Variants in NELFA observed in about 807,000 individuals in gnomAD.
NELFA encodes negative elongation factor A.
A neutral mutation model predicts 51.8 loss-of-function variants in NELFA; 35 were observed. That is an observed-to-expected ratio of 0.68 (90% CI 0.52 to 0.90). The LOEUF is 0.90. Ranked by LOEUF, NELFA falls within the 40% of genes least tolerant of loss-of-function variation. NELFA has a pLI of 0.00. For synonymous variants in NELFA, 417 were observed against 338.4 expected, an observed-to-expected ratio of 1.23 and a Z score of -2.55; for missense variants, 658 against 746.4, an observed-to-expected ratio of 0.88 and a Z score of 1.38.
At chr4:1,984,207 T>G in intron 8 of NELFA, 94 bp from the exon 9 acceptor site, 1 of 1,368,762 alleles carries the variant, frequency 7.3e-7, no homozygotes, top group Non-Finnish European at 9.6e-7. Flanking sequence ...GCTCCCCTTC[T>G]CTGTCCTGCT....
At chr4:2,008,523 G>A (rs1326212172) in intron 1 of NELFA, among the ~76,000 whole-genome samples, 1 of 148,278 alleles carries the variant, frequency 6.7e-6, no homozygotes, top group East Asian at 2.0e-4. Context: ...AACCGAGGTG[G>A]GAGATGAGGA....
intron 9 of NELFA, 41 bp from the exon 10 acceptor site, chr4:1,983,736 G>C (rs781530491): frequency 1.9e-6 from 3 of 1,609,314 alleles, no homozygotes; most frequent in Admixed American, 1.7e-5. Context: ...GGCCCCGCCA[G>C]GACCACCTCC....
At chr4:2,007,050 G>T in intron 1 of NELFA, 1 of 276,860 alleles carries the variant, frequency 3.6e-6, no homozygotes, top group Non-Finnish European at 7.8e-6. Flanking sequence ...TTGAGGTCAG[G>T]AGTTCAAGAC....
At chr4:1,987,049 C>T (rs573930659) in intron 4 of NELFA, among the ~76,000 whole-genome samples, 2 of 152,134 alleles carry the variant, frequency 1.3e-5, no homozygotes, top group Admixed American at 6.5e-5. Flanking sequence ...AAGGTGGAAC[C>T]TCGGCTGCGG....
At chr4:1,986,461 C>CCT (rs3034718) in intron 4 of NELFA, 59 bp from the exon 5 acceptor site, 360,540 of 1,608,472 alleles carry the variant, frequency 0.22, 42,970 homozygotes, top group African/African-American at 0.43. Flanking sequence ...TCCCCCACCC[C>CCT]GAGCTCAGAA....
rs116397651 is a variant in NELFA at position 1,997,986 on chromosome 4, G to C, written c.211-6271C>G. Among the ~76,000 whole-genome samples, 907 of 152,130 alleles carry C rather than the reference G, an allele frequency of 6.0e-3. 12 individuals are homozygous for C. The highest frequency in any genetic ancestry group is 0.021 in the African/African-American group (851 of 41,502). ...TAGTGACACCTCCAGGCATGGGAGT[G>C]AATCAGATGAATATGGCCTGAAGTG... On this transcript the variant is annotated intron_variant, in intron 1 of 10. Coordinates refer to ENST00000382882, the MANE Select transcript of NELFA (RefSeq NM_005663.5).
At chr4:1,996,822 C>T (rs959642998) in intron 1 of NELFA, among the ~76,000 whole-genome samples, 1 of 152,178 alleles carries the variant, frequency 6.6e-6, no homozygotes, top group Non-Finnish European at 1.5e-5. Flanking sequence ...ATCCCAGCTA[C>T]TCAGAAGGCT....
At position 1,984,084 on chromosome 4, in the gene NELFA, G is replaced by A. The variant is rs777338269; in HGVS notation, c.1066C>T (p.Pro356Ser). The A allele has an allele frequency of 1.3e-6, 2 of 1,584,210 alleles. No homozygotes were observed. Among genetic ancestry groups the A allele is most frequent in the Non-Finnish European group, 8.5e-7 (1 of 1,171,068 alleles). The change falls in exon 9 of 11, where the codon CCA (proline) becomes TCA (serine). Residue 356 changes from proline (P) to serine (S), a missense_variant. Physicochemically the swap from Pro to Ser is moderately conservative, Grantham distance 74. Coordinates refer to ENST00000382882, the MANE Select transcript of NELFA (RefSeq NM_005663.5). The part of the protein sequence containing the change: ...APSSREASRP[P>S]EEPSAPSPTL... ...GGGCTCGGGGCGCTGGGCTCCTCTG[G>A]TGGGCGGCTGGCTTCCCGGGAAGAT...
chr4:1,986,661 A>G, intron 4 of NELFA: 3 of 473,706 alleles, frequency 6.3e-6, no homozygotes, highest in Non-Finnish European at 7.7e-6. Flanking sequence ...CACCAGGTGG[A>G]GTCTCTCACC....
intron 4 of NELFA, among the ~76,000 whole-genome samples, chr4:1,987,091 C>G (rs918941485): frequency 6.6e-6 from 1 of 152,126 alleles, no homozygotes; most frequent in East Asian, 1.9e-4. Context: ...GACGGCCCCC[C>G]ACACAGCGAC....
chr4:1,997,666 G>A (rs1360291179), intron 1 of NELFA, among the ~76,000 whole-genome samples: 1 of 152,238 alleles, frequency 6.6e-6, no homozygotes. Context: ...GTAAGATGGT[G>A]TAGCCACTAT....
At position 1,989,688 on chromosome 4, in the gene NELFA, TGGC is replaced by T. The variant is rs1214464958; in HGVS notation, c.544+17_544+19del. The T allele has an allele frequency of 1.9e-6, 3 of 1,610,192 alleles. No homozygotes were observed. Among genetic ancestry groups the T allele is most frequent in the Non-Finnish European group, 2.5e-6 (3 of 1,178,214 alleles). On this transcript the variant is annotated intron_variant, in intron 3 of 10. Transcript: ENST00000382882. This position sits in a 1 kb window ranked among gnomAD's most constrained non-coding sequence, Gnocchi z 4.8. ...TGGAAACTACAAAGACAATGCCCGA[TGGC>T]GGCCGCGGCCACTCACACTTCTGCA...
intron 2 of NELFA, among the ~76,000 whole-genome samples, chr4:1,990,742 C>G (rs928721342): frequency 3.9e-5 from 6 of 152,230 alleles, no homozygotes; most frequent in Non-Finnish European, 7.3e-5. Flanking sequence ...AGGAGAGAAA[C>G]TCAGAAAAGC....
chr4:2,003,979 C>T (rs1728642066), intron 1 of NELFA: 1 of 151,792 alleles, frequency 6.6e-6, no homozygotes, highest in Non-Finnish European at 1.5e-5. Flanking sequence ...GGTGAAACCC[C>T]GTCTCCACTA....
chr4:1,986,883 G>A (rs1017479034), intron 4 of NELFA, among the ~76,000 whole-genome samples: 3 of 152,158 alleles, frequency 2.0e-5, no homozygotes, highest in African/African-American at 7.2e-5. Context: ...GAGAGAGGAC[G>A]CCCGGGGGAT....
At position 1,991,674 on chromosome 4, in the gene NELFA, G is replaced by C. The variant is rs374092271; in HGVS notation, c.252C>G (p.Leu84=). The C allele has an allele frequency of 1.2e-6, 2 of 1,612,112 alleles. No individual in the cohort carries two copies. The highest frequency in any genetic ancestry group is 1.7e-6 in the Non-Finnish European group (2 of 1,179,430). The change falls in exon 2 of 11, where the codon CTC becomes CTG. Residue 84 remains leucine, a synonymous_variant. Transcript: ENST00000382882. ...ALMEIIQLAS[L]DSDPWVLMVA... is the part of the protein sequence containing the mutation. ...CCATGAGCACCCAGGGGTCCGAGTCGAGGCTGGCGAGCTGGATGATCTCCA... is the reference window on the plus strand; with the variant it reads ...CCATGAGCACCCAGGGGTCCGAGTCCAGGCTGGCGAGCTGGATGATCTCCA...
chr4:1,989,886 C>T lies in NELFA; in HGVS notation c.383-17G>A. The T allele has an allele frequency of 6.2e-7, 1 of 1,610,118 alleles. No homozygotes were observed. The highest frequency in any genetic ancestry group is 8.5e-7 in the Non-Finnish European group (1 of 1,177,958). Reference sequence around the variant, plus strand: ...ACTCACCCACTGCCGGTAAGAACCACATGAAGTTAGGGGCGCCCAGGCCGC... The same window carrying T: ...ACTCACCCACTGCCGGTAAGAACCATATGAAGTTAGGGGCGCCCAGGCCGC... On this transcript the variant is annotated splice_polypyrimidine_tract_variant and intron_variant, in intron 2 of 10. Coordinates refer to ENST00000382882, the MANE Select transcript of NELFA (RefSeq NM_005663.5). This position sits in a 1 kb window ranked among gnomAD's most constrained non-coding sequence, Gnocchi z 4.8.
chr4:1,988,728 G>A (rs1055553099), intron 3 of NELFA, among the ~76,000 whole-genome samples: 13 of 152,126 alleles, frequency 8.5e-5, no homozygotes, highest in African/African-American at 1.7e-4. Context: ...AATCTTTGTC[G>A]TGCTTTGGGA....
At position 1,986,886 on chromosome 4, in the gene NELFA, C is replaced by T. The variant is rs534276616; in HGVS notation, c.635-484G>A. Reference sequence around the variant, plus strand: ...GTGCCAGGCCCGGAGAGAGGACGCCCGGGGGATGGTGCCATCAGCACACCG... The same window carrying T: ...GTGCCAGGCCCGGAGAGAGGACGCCTGGGGGATGGTGCCATCAGCACACCG... On this transcript the variant is annotated intron_variant, in intron 4 of 10. Coordinates refer to ENST00000382882, the MANE Select transcript of NELFA (RefSeq NM_005663.5). Among the ~76,000 whole-genome samples, 3 of 152,272 alleles carry T rather than the reference C, an allele frequency of 2.0e-5. No individual in the cohort carries two copies. The East Asian group carries it at 5.8e-4, about 29-fold the overall frequency.
Sources: allele counts gnomAD v4.1 joint callset (sites outside exome capture counted in the v4.1 genomes callset), GRCh38; gene constraint gnomAD v4.1.1; non-coding constraint Gnocchi (gnomAD v3.1); transcripts MANE v1.5; gene names NCBI Gene and HGNC (gene_info 2026-07-23, HGNC 2026-07-21).